TENM4: variants seen among roughly 807,000 people sequenced by gnomAD.
TENM4 encodes teneurin transmembrane protein 4.
Under a neutral mutation model 243.3 loss-of-function variants are expected in TENM4, and 82 were observed. That is an observed-to-expected ratio of 0.34 (90% CI 0.28 to 0.40). The LOEUF (loss-of-function observed/expected upper bound fraction) is 0.40, where lower values mean the gene tolerates loss of function less well. Ranked by LOEUF, TENM4 falls within the 10% of genes least tolerant of loss-of-function variation. The pLI, the probability that TENM4 is intolerant of heterozygous loss-of-function variation, is 1.00. For synonymous variants in TENM4, 1,412 were observed against 1,456.3 expected (o/e 0.97, Z 0.69); for missense variants, 3,138 against 3,673.3 (o/e 0.85, Z 3.77).
rs529489089 is a variant in TENM4, at chr11:78,683,426, C to A, written c.5260+4628G>T. Among the ~76,000 whole-genome samples the A allele has an allele frequency of 3.0e-5, 2 of 67,584 alleles. 1 individual carries two copies. Among genetic ancestry groups the A allele is most frequent in the Non-Finnish European group, 6.3e-5 (2 of 31,578 alleles). The allele number at this position is 67,584 out of a possible 152,430, so 44.3% of individuals were successfully genotyped here. ...CTCAGACTGCTGTGCTAGCAATCAG[C>A]GAGATTCCGTGGGCGTAGGACCCTC... On this transcript the variant is annotated intron_variant, in intron 29 of 33. Transcript: ENST00000278550.
At chr11:78,830,063 T>C (rs190585344) in intron 12 of TENM4, among the ~76,000 whole-genome samples, 1 of 152,354 alleles carries the variant, frequency 6.6e-6, no homozygotes, top group Admixed American at 6.5e-5. Flanking sequence ...TGCACCCACA[T>C]GGACGTATTG....
intron 1 of TENM4, among the ~76,000 whole-genome samples, chr11:79,358,629 GCCTTCCTTCCCTCCTGCCTGCCTT>G (rs1857536737): frequency 6.6e-6 from 1 of 151,016 alleles, no homozygotes; most frequent in East Asian, 1.9e-4. Context: ...CTGCCTGCCT[GCCTTCCTTCCCTCCTGCCTGCCTT>G]CCTTCTTTCT....
intron 12 of TENM4, among the ~76,000 whole-genome samples, chr11:78,840,906 G>A (rs1183681255): frequency 6.6e-6 from 1 of 152,062 alleles, no homozygotes; most frequent in Non-Finnish European, 1.5e-5. Context: ...TTAATTTCTC[G>A]GAACCTTGTT....
chr11:79,403,778 A>G (rs1858510360), intron 1 of TENM4, among the ~76,000 whole-genome samples: 1 of 152,140 alleles, frequency 6.6e-6, no homozygotes, highest in Non-Finnish European at 1.5e-5. Flanking sequence ...TCATGCATAG[A>G]AGCAAAGCTA....
intron 1 of TENM4, among the ~76,000 whole-genome samples, chr11:79,339,414 C>T (rs1255748662): frequency 6.6e-6 from 1 of 152,194 alleles, no homozygotes; most frequent in Non-Finnish European, 1.5e-5. Context: ...TATCACACTG[C>T]ACAGTTTGGT....
chr11:78,900,474 G>A (rs60944204), intron 7 of TENM4, among the ~76,000 whole-genome samples: 1,991 of 152,246 alleles, frequency 0.013, 34 homozygotes, highest in African/African-American at 0.038. Flanking sequence ...CCTTTGGGGC[G>A]AGTAGGAGCT....
intron 3 of TENM4, among the ~76,000 whole-genome samples, chr11:79,154,151 A>G (rs1203059313): frequency 6.8e-6 from 1 of 146,544 alleles, no homozygotes; most frequent in Non-Finnish European, 1.5e-5. Flanking sequence ...AAAAAAAAAG[A>G]GGTTTAATTG....
chr11:79,170,575 T>C lies in TENM4; in HGVS notation c.-162-21769A>G, dbSNP rs190763117. 1.5e-3 allele frequency among the ~76,000 whole-genome samples: 233 copies of C among 152,252 alleles called. 3 individuals are homozygous for C. Among genetic ancestry groups the C allele is most frequent in the Admixed American group, 0.015 (233 of 15,292 alleles). On this transcript the variant is annotated intron_variant, in intron 3 of 33. Transcript: ENST00000278550. ...AGCAGTGGAAATAGTGACACAGACA[T>C]GCACACAGGGAGAATGTCATGTGAA...
chr11:79,178,151 G>T (rs1863206111), intron 3 of TENM4, among the ~76,000 whole-genome samples: 2 of 152,254 alleles, frequency 1.3e-5, no homozygotes, highest in South Asian at 4.1e-4. Context: ...GGGAGACAAA[G>T]AAACTCTAAG....
chr11:79,366,863 T>C (rs1857686861), intron 1 of TENM4, among the ~76,000 whole-genome samples: 1 of 152,214 alleles, frequency 6.6e-6, no homozygotes, highest in Non-Finnish European at 1.5e-5. Flanking sequence ...CAAGTCATTA[T>C]AGAAAAGTTC....
intron 2 of TENM4, among the ~76,000 whole-genome samples, chr11:79,238,877 T>C (rs1158784663): frequency 2.7e-5 from 3 of 110,892 alleles, no homozygotes; most frequent in African/African-American, 9.8e-5. Context: ...ATACAAAAAT[T>C]AGTTAGGTGT....
chr11:79,199,423 TG>T (rs1863697601), intron 3 of TENM4, among the ~76,000 whole-genome samples: 2 of 152,188 alleles, frequency 1.3e-5, no homozygotes, highest in Admixed American at 1.3e-4. Context: ...TGACTCGGAA[TG>T]TGAAGATTGA....
chr11:79,209,112 AT>A (rs1362367925), intron 3 of TENM4, among the ~76,000 whole-genome samples: 1 of 152,182 alleles, frequency 6.6e-6, no homozygotes, highest in East Asian at 1.9e-4. Context: ...TGACCTTCCC[AT>A]TTGGAAATAA....
intron 6 of TENM4, among the ~76,000 whole-genome samples, chr11:79,054,873 C>T (rs1859901105): frequency 6.6e-6 from 1 of 152,056 alleles, no homozygotes; most frequent in African/African-American, 2.4e-5. Context: ...ACTCATGCCT[C>T]TAACACCAGC....
intron 6 of TENM4, among the ~76,000 whole-genome samples, chr11:78,958,691 G>A (rs1857257254): frequency 6.6e-6 from 1 of 152,236 alleles, no homozygotes; most frequent in South Asian, 2.1e-4. Context: ...GGCCTCTGGG[G>A]TGATGCTGGA....
At chr11:79,261,933 G>C (rs995977045) in intron 2 of TENM4, among the ~76,000 whole-genome samples, 1 of 152,152 alleles carries the variant, frequency 6.6e-6, no homozygotes, top group Non-Finnish European at 1.5e-5. Context: ...ATGGTCCATG[G>C]GGATGCCAAA....
intron 2 of TENM4, among the ~76,000 whole-genome samples, chr11:79,293,521 GA>G (rs11337863): frequency 0.6 from 86,444 of 143,862 alleles, 26,370 homozygotes; most frequent in Middle Eastern, 0.79. Context: ...AAAAAAAAAA[GA>G]AAAAAAAAAA....
At chr11:79,025,151 C>A (rs1859041459) in intron 6 of TENM4, among the ~76,000 whole-genome samples, 1 of 152,148 alleles carries the variant, frequency 6.6e-6, no homozygotes. Flanking sequence ...TGGCTAAGTA[C>A]CCCTCTGTCT....
chr11:78,876,947 G>A (rs996597903), intron 9 of TENM4, among the ~76,000 whole-genome samples: 1 of 152,188 alleles, frequency 6.6e-6, no homozygotes, highest in Non-Finnish European at 1.5e-5. Flanking sequence ...CACCTACTAT[G>A]GGTCATCCAC....
Sources: gnomAD v4.1 joint callset for allele counts (sites outside exome capture counted in the v4.1 genomes callset) on GRCh38, gnomAD v4.1.1 for gene constraint, MANE v1.5 for transcripts, NCBI Gene and HGNC (gene_info 2026-07-23, HGNC 2026-07-21) for gene names.